CDH8: variants seen among roughly 807,000 people sequenced by gnomAD.
CDH8 encodes the protein cadherin-8.
CDH8 carries 17 observed loss-of-function variants against 68.1 expected under a neutral mutation model. That is an observed-to-expected ratio of 0.25 (90% CI 0.17 to 0.37). The LOEUF is 0.37. CDH8 is among the 10% of genes least tolerant of loss of function. The pLI is 1.00. For synonymous variants in CDH8, 372 were observed against 365.1 expected, an observed-to-expected ratio of 1.02 and a Z score of -0.21; for missense variants, 763 against 999.3, an observed-to-expected ratio of 0.76 and a Z score of 3.19.
chr16:61,963,199 G>T (rs1965189119), intron 2 of CDH8, among the ~76,000 whole-genome samples: 1 of 152,070 alleles, frequency 6.6e-6, no homozygotes, highest in African/African-American at 2.4e-5. Context: ...GAATGATAAG[G>T]CATGGTGGGG....
At chr16:61,796,815 AC>A (rs2142995852) in intron 7 of CDH8, among the ~76,000 whole-genome samples, 1 of 152,206 alleles carries the variant, frequency 6.6e-6, no homozygotes, top group East Asian at 1.9e-4. Context: ...CAGCACACTA[AC>A]CACAGACACA....
chr16:61,876,714 C>T (rs1963468016), intron 3 of CDH8, among the ~76,000 whole-genome samples: 1 of 151,956 alleles, frequency 6.6e-6, no homozygotes, highest in South Asian at 2.1e-4. Flanking sequence ...TAATGATGCT[C>T]TCCTCATTAA....
chr16:61,763,259 G>T (rs187642240), intron 8 of CDH8, among the ~76,000 whole-genome samples: 1 of 152,256 alleles, frequency 6.6e-6, no homozygotes, highest in Non-Finnish European at 1.5e-5. Context: ...AGCAGGGAAT[G>T]TCATGAATTG....
At chr16:61,808,772 G>C (rs1266516881) in intron 7 of CDH8, among the ~76,000 whole-genome samples, 5 of 152,200 alleles carry the variant, frequency 3.3e-5, no homozygotes, top group Non-Finnish European at 4.4e-5. Flanking sequence ...CTTGTGTAGG[G>C]GGTGACAAAG....
rs1448689996 is a variant in CDH8 at position 61,663,834 on chromosome 16, G to C, written c.1655-8113C>G. Among the ~76,000 whole-genome samples, 3 of 151,048 alleles carry C rather than the reference G, an allele frequency of 2.0e-5. 1 individual carries two copies. Among genetic ancestry groups the C allele is most frequent in the Non-Finnish European group, 4.5e-5 (3 of 67,228 alleles). Reference sequence around the variant, plus strand: ...TATTCTGGAAAAATTATATCAAATAGAAATGGATAATAGATAAACATGTAT... The same window carrying C: ...TATTCTGGAAAAATTATATCAAATACAAATGGATAATAGATAAACATGTAT... On this transcript the variant is annotated intron_variant, in intron 10 of 11. Transcript: ENST00000577390.
In CDH8 at chr16:62,032,673, C is replaced by T. The variant is rs147718243; in HGVS notation, c.-200+3407G>A. 2.0e-5 allele frequency among the ~76,000 whole-genome samples: 3 copies of T among 152,250 alleles called. No homozygotes were observed. In the East Asian group the frequency reaches 5.8e-4, roughly 30 times the overall value. ...TAATAGAAAGGCTTCTCCGATTATG[C>T]TTGTCCCTTGATTTGCCAGACACAA... On this transcript the variant is annotated intron_variant, in intron 1 of 11. Transcript: ENST00000577390.
intron 9 of CDH8, among the ~76,000 whole-genome samples, chr16:61,723,984 A>C: frequency 6.7e-6 from 1 of 150,238 alleles, no homozygotes; most frequent in South Asian, 2.1e-4. Flanking sequence ...AAACTATCAG[A>C]TTTTTTTTTA....
At chr16:61,871,493 A>G (rs1354933192) in intron 3 of CDH8, among the ~76,000 whole-genome samples, 2 of 152,042 alleles carry the variant, frequency 1.3e-5, no homozygotes, top group Non-Finnish European at 2.9e-5. Flanking sequence ...GAAAATTCAA[A>G]ATATGGGCAA....
Position 61,939,568 on chromosome 16 carries a change from CA to C in CDH8, c.253-38096del, listed in dbSNP as rs1206493052. Among the ~76,000 whole-genome samples the C allele has an allele frequency of 7.9e-5, 12 of 152,200 alleles. No individual in the cohort carries two copies. The East Asian group carries it at 1.9e-3, about 25-fold the overall frequency. On this transcript the variant is annotated intron_variant, in intron 2 of 11. Coordinates refer to ENST00000577390, the MANE Select transcript of CDH8 (RefSeq NM_001796.5). ...ATGACATTATAATTTATTAGCATTC[CA>C]ATTAAAAACATAATTTGTCTATAAC... is the stretch of plus-strand genomic sequence containing the variant.
At position 61,651,720 on chromosome 16, in the gene CDH8, C is replaced by T. The variant is rs765007253; in HGVS notation, c.*1888G>A. On this transcript the variant is annotated 3_prime_UTR_variant, in exon 12 of 12. Coordinates refer to ENST00000577390, the MANE Select transcript of CDH8 (RefSeq NM_001796.5). Reference sequence around the variant, plus strand: ...TCTATTGTTACAAGTTTTAGGTCTGCAAACTTGTCTGAAGGTTTTCCCTGC... The same window carrying T: ...TCTATTGTTACAAGTTTTAGGTCTGTAAACTTGTCTGAAGGTTTTCCCTGC... 1 of 152,328 alleles carries T rather than the reference C, an allele frequency of 6.6e-6. No individual in the cohort carries two copies. Among genetic ancestry groups the T allele is most frequent in the East Asian group, 1.9e-4 (1 of 5,164 alleles). 9.4% of individuals were successfully genotyped at this position (152,328 alleles called of 1,614,324 possible). A position where few individuals can be genotyped will look rare whatever the true frequency, so the allele number is the denominator to read the frequency against.
chr16:61,684,860 C>T (rs996740375), intron 10 of CDH8, among the ~76,000 whole-genome samples: 6 of 151,958 alleles, frequency 3.9e-5, no homozygotes, highest in Non-Finnish European at 7.4e-5. Context: ...TTCAACTCCC[C>T]TTCCTTTAAT....
intron 8 of CDH8, among the ~76,000 whole-genome samples, chr16:61,788,420 C>T (rs949756687): frequency 6.6e-6 from 1 of 151,992 alleles, no homozygotes; most frequent in African/African-American, 2.4e-5. Context: ...TTCAAATTCC[C>T]TTTACCTCAA....
intron 3 of CDH8, among the ~76,000 whole-genome samples, chr16:61,869,471 G>A (rs1963317039): frequency 6.6e-6 from 1 of 152,090 alleles, no homozygotes; most frequent in Non-Finnish European, 1.5e-5. Flanking sequence ...GGTAGTCTGT[G>A]ATTTTACAAT....
At chr16:61,654,516 A>G (rs1248479762) in intron 11 of CDH8, among the ~76,000 whole-genome samples, 2 of 152,178 alleles carry the variant, frequency 1.3e-5, no homozygotes, top group East Asian at 3.9e-4. Flanking sequence ...GGAGTAAACT[A>G]GGTCCTTGGG....
At position 61,655,546 on chromosome 16, in the gene CDH8, G is replaced by C; in HGVS notation, c.1830C>G (p.Val610=). The change falls in exon 11 of 12, where the codon GTC becomes GTG. Residue 610 remains valine (V), a synonymous_variant. Transcript: ENST00000577390. ...SNDGVVQSCN[V]EAYVLPIGLS... is the part of the protein sequence containing the mutation. ...GTCCAATTGGAAGGACATAAGCTTCGACATTGCAAGACTGGACGACACCGT... is the reference window on the plus strand; with the variant it reads ...GTCCAATTGGAAGGACATAAGCTTCCACATTGCAAGACTGGACGACACCGT... The C allele has an allele frequency of 6.2e-7, 1 of 1,614,044 alleles. No homozygotes were observed. Among genetic ancestry groups the C allele is most frequent in the African/African-American group, 1.3e-5 (1 of 75,014 alleles).
intron 7 of CDH8, among the ~76,000 whole-genome samples, chr16:61,811,332 C>T (rs757823925): frequency 6.6e-6 from 1 of 151,992 alleles, no homozygotes; most frequent in Non-Finnish European, 1.5e-5. Context: ...CAGTGTTGGA[C>T]GATGTGCTGT....
intron 8 of CDH8, among the ~76,000 whole-genome samples, chr16:61,769,802 G>C (rs1208927836): frequency 1.3e-5 from 2 of 151,912 alleles, no homozygotes; most frequent in East Asian, 3.9e-4. Flanking sequence ...AAACTACACT[G>C]GATAAAATGA....
chr16:61,651,171 CATA>C lies in CDH8; in HGVS notation c.*2434_*2436del, dbSNP rs1414078068. On this transcript the variant is annotated 3_prime_UTR_variant, in exon 12 of 12. Coordinates refer to ENST00000577390, the MANE Select transcript of CDH8 (RefSeq NM_001796.5). ...TCTGGTGTTCAAGAGATACATAAAA[CATA>C]ATAATCTCTCCTTGGTTTGGAAGGT... 4 of 152,040 alleles carry C rather than the reference CATA, an allele frequency of 2.6e-5. No homozygotes were observed. The highest frequency in any genetic ancestry group is 9.7e-5 in the African/African-American group (4 of 41,400). The allele number at this position is 152,040 out of a possible 1,614,324, so 9.4% of individuals were successfully genotyped here. A position where few individuals can be genotyped will look rare whatever the true frequency, so the allele number is the denominator to read the frequency against.
intron 10 of CDH8, chr16:61,692,572 T>TG (rs1964248772): frequency 6.6e-6 from 1 of 151,676 alleles, no homozygotes; most frequent in Admixed American, 6.6e-5. Flanking sequence ...TGTGGGTTTT[T>TG]TTTTTTTCAT....
Sources: allele counts gnomAD v4.1 joint callset (sites outside exome capture counted in the v4.1 genomes callset), GRCh38; gene constraint gnomAD v4.1.1; transcripts MANE v1.5; gene names NCBI Gene and HGNC (gene_info 2026-07-23, HGNC 2026-07-21).